The following CYP2C18 variants were observed in gnomAD, a reference collection of about 807,000 sequenced individuals.
CYP2C18 encodes the protein cytochrome P450 family 2 subfamily C member 18.
Under a neutral mutation model 41.3 loss-of-function variants are expected in CYP2C18, and 38 were observed. The ratio of observed to expected loss-of-function variants is 0.92; its 90% confidence interval spans 0.71 to 1.21. The LOEUF is 1.21. CYP2C18 is among the 50% of genes most tolerant of loss of function. The pLI is 0.00. For missense variants in CYP2C18, 635 were observed against 591.4 expected (o/e 1.07, Z -0.77); for synonymous variants, 236 against 210.0 (o/e 1.12, Z -1.07).
rs1282737381 is a variant in CYP2C18, at chr10:94,716,099, G to A, written c.820-4297G>A. The stretch of plus-strand genomic sequence containing the variant: ...TTTCTTCTTTATTAGTCTTGCTAGT[G>A]GTCTATCAATTTTGTTGATCTTTTC... On this transcript the variant is annotated intron_variant, in intron 5 of 8. Coordinates refer to ENST00000285979, the MANE Select transcript of CYP2C18 (RefSeq NM_000772.3). Among the ~76,000 whole-genome samples, 11 of 152,016 alleles carry A rather than the reference G, an allele frequency of 7.2e-5. No homozygotes were observed. In the South Asian group the frequency reaches 2.3e-3, roughly 32 times the overall value.
chr10:94,697,062 T>C (rs942662479), intron 4 of CYP2C18, among the ~76,000 whole-genome samples: 14 of 152,348 alleles, frequency 9.2e-5, no homozygotes, highest in Middle Eastern at 3.4e-3. Flanking sequence ...CTCTGCACGA[T>C]ATTATCCAGG....
intron 3 of CYP2C18, among the ~76,000 whole-genome samples, chr10:94,690,425 G>C (rs1301515777): frequency 6.6e-6 from 1 of 152,024 alleles, no homozygotes; most frequent in Admixed American, 6.6e-5. Context: ...AATAAACTAG[G>C]AAATCTAGAA....
chr10:94,714,677 A>G (rs1372265326), intron 5 of CYP2C18, among the ~76,000 whole-genome samples: 86 of 152,138 alleles, frequency 5.7e-4, no homozygotes, highest in Non-Finnish European at 4.4e-5. Context: ...TTTTGGTTCC[A>G]TATGAACTTT....
chr10:94,701,296 A>T (rs145586499), intron 4 of CYP2C18, among the ~76,000 whole-genome samples: 6 of 152,334 alleles, frequency 3.9e-5, no homozygotes, highest in Admixed American at 1.3e-4. Flanking sequence ...GCCATAAAAA[A>T]TGATGAGTTC....
chr10:94,735,226 G>A, intron 8 of CYP2C18, 37 bp from the exon 9 acceptor site: 1 of 1,599,806 alleles, frequency 6.3e-7, no homozygotes, highest in South Asian at 1.1e-5. Flanking sequence ...ATGACCTAAT[G>A]TTCAAGGAAC....
chr10:94,722,608 C>A (rs971049439), intron 6 of CYP2C18, among the ~76,000 whole-genome samples: 1 of 152,042 alleles, frequency 6.6e-6, no homozygotes, highest in African/African-American at 2.4e-5. Context: ...TCAAAAGAAC[C>A]AAGACCCAAA....
intron 6 of CYP2C18, 83 bp from the exon 7 acceptor site, chr10:94,724,263 C>T (rs1369193312): frequency 7.2e-7 from 1 of 1,396,084 alleles, no homozygotes; most frequent in Non-Finnish European, 1.0e-6. Context: ...GGACCCCTTC[C>T]TTATGCTTCT....
intron 4 of CYP2C18, among the ~76,000 whole-genome samples, chr10:94,703,156 A>G (rs1245585906): frequency 6.6e-6 from 1 of 152,098 alleles, no homozygotes; most frequent in Admixed American, 6.5e-5. Flanking sequence ...GTTCTCCTGT[A>G]TGACATATCT....
intron 5 of CYP2C18, among the ~76,000 whole-genome samples, chr10:94,709,810 T>C (rs1458926189): frequency 1.3e-5 from 2 of 151,720 alleles, no homozygotes; most frequent in African/African-American, 2.4e-5. Context: ...CTTCATTCTT[T>C]GCATGTGCAT....
chr10:94,724,291 C>T (rs981873016), intron 6 of CYP2C18, 55 bp from the exon 7 acceptor site: 1 of 1,573,370 alleles, frequency 6.4e-7, no homozygotes, highest in Non-Finnish European at 8.7e-7. Flanking sequence ...TGAATTGCTA[C>T]AACAAATGTG....
chr10:94,690,809 C>A (rs1168771225), intron 3 of CYP2C18, among the ~76,000 whole-genome samples: 1 of 152,090 alleles, frequency 6.6e-6, no homozygotes, highest in Non-Finnish European at 1.5e-5. Flanking sequence ...CAGCAACACA[C>A]AAAAAGCTTA....
chr10:94,703,304 A>G (rs1847278833), intron 4 of CYP2C18, among the ~76,000 whole-genome samples: 1 of 152,168 alleles, frequency 6.6e-6, no homozygotes, highest in Non-Finnish European at 1.5e-5. Flanking sequence ...CATCAGGCAG[A>G]AACGTTTAAG....
intron 5 of CYP2C18, among the ~76,000 whole-genome samples, chr10:94,712,159 T>A (rs905000842): frequency 5.2e-5 from 4 of 77,388 alleles, no homozygotes; most frequent in Admixed American, 1.3e-4. Context: ...CTTTTTCCAA[T>A]TTTTTTTTTT....
rs1279914255 is a variant in CYP2C18, at chr10:94,683,874, C to T, written c.55C>T (p.Leu19Phe). The T allele has an allele frequency of 6.2e-7, 1 of 1,611,290 alleles. No homozygotes were observed. Among genetic ancestry groups the T allele is most frequent in the South Asian group, 1.1e-5 (1 of 90,226 alleles). Residue 19 changes from leucine to phenylalanine, a missense_variant, in exon 1 of 9, where the codon CTC becomes TTC. Leu to Phe is a conservative substitution (Grantham distance 22). Coordinates refer to ENST00000285979, the MANE Select transcript of CYP2C18 (RefSeq NM_000772.3). The stretch of plus-strand genomic sequence containing the variant: ...TCTCTCCTGTTTGTTTCTCCTTTCA[C>T]TCTGGAGGCAGAGCTCTGGAAGAGG... ...LCLSCLFLLS[L>F]WRQSSGRGRL...
At chr10:94,710,703 G>C (rs1462227012) in intron 5 of CYP2C18, among the ~76,000 whole-genome samples, 1 of 152,108 alleles carries the variant, frequency 6.6e-6, no homozygotes, top group Non-Finnish European at 1.5e-5. Context: ...ATTTTGAGTT[G>C]ATAAGCTTAG....
At chr10:94,716,483 T>C (rs192241798) in intron 5 of CYP2C18, among the ~76,000 whole-genome samples, 1 of 152,330 alleles carries the variant, frequency 6.6e-6, no homozygotes, top group East Asian at 1.9e-4. Flanking sequence ...TGCATGTAAT[T>C]GAGTGGTTTT....
intron 5 of CYP2C18, among the ~76,000 whole-genome samples, chr10:94,718,120 A>AT (rs1160394634): frequency 6.6e-5 from 10 of 151,762 alleles, no homozygotes; most frequent in African/African-American, 2.4e-4. Flanking sequence ...TGTCTTCTTC[A>AT]TTTTTTTAAT....
At chr10:94,705,710 G>A (rs1847330682) in intron 4 of CYP2C18, among the ~76,000 whole-genome samples, 1 of 152,192 alleles carries the variant, frequency 6.6e-6, no homozygotes, top group African/African-American at 2.4e-5. Flanking sequence ...TGCCAATTTT[G>A]CGGGCATTAT....
At position 94,724,455 on chromosome 10, in the gene CYP2C18, A is replaced by T; in HGVS notation, c.1071A>T (p.Arg357Ser). ...YTDAVVHEIQ[R>S]YIDLLPTNLP... Reference sequence around the variant, plus strand: ...ATGCTGTGGTGCACGAGATCCAGAGATACATTGACCTCCTCCCCACCAACC... The same window carrying T: ...ATGCTGTGGTGCACGAGATCCAGAGTTACATTGACCTCCTCCCCACCAACC... Residue 357 changes from arginine (R) to serine (S), a missense_variant, in exon 7 of 9, where the codon AGA (arginine) becomes AGT (serine). Transcript: ENST00000285979. 1.2e-6 allele frequency: 2 copies of T among 1,613,594 alleles called. No individual in the cohort carries two copies. Among genetic ancestry groups the T allele is most frequent in the Non-Finnish European group, 1.7e-6 (2 of 1,179,722 alleles).
Sources: gnomAD v4.1 joint callset for allele counts (sites outside exome capture counted in the v4.1 genomes callset) on GRCh38, gnomAD v4.1.1 for gene constraint, MANE v1.5 for transcripts, NCBI Gene and HGNC (gene_info 2026-07-23, HGNC 2026-07-21) for gene names.